Variants in ARMH3 observed in about 807,000 individuals in gnomAD.
ARMH3 encodes the protein armadillo-like helical domain-containing protein 3.
In ARMH3, 60 loss-of-function variants were observed where a neutral mutation model predicts 99.1. The ratio of observed to expected loss-of-function variants is 0.61; its 90% CI spans 0.49 to 0.75. The LOEUF (loss-of-function observed/expected upper bound fraction) is 0.75. Ranked by LOEUF, ARMH3 falls within the 30% of genes least tolerant of loss-of-function variation. ARMH3 has a pLI of 0.00. For synonymous variants in ARMH3, 285 were observed against 292.8 expected, an observed-to-expected ratio of 0.97 and a Z score of 0.27; for missense variants, 679 against 843.1, an observed-to-expected ratio of 0.81 and a Z score of 2.41.
intron 23 of ARMH3, chr10:101,889,713 T>C: frequency 2.0e-6 from 1 of 509,054 alleles, no homozygotes; most frequent in South Asian, 2.4e-5. Flanking sequence ...GAATCAAGCA[T>C]CTCTGCTCTG....
intron 4 of ARMH3, 71 bp from the exon 5 acceptor site, chr10:102,029,816 C>T: frequency 7.4e-7 from 1 of 1,348,162 alleles, no homozygotes; most frequent in Non-Finnish European, 1.0e-6. Context: ...ATTGCAGCCT[C>T]ATCCTTACAC....
chr10:101,966,775 A>T (rs1215279398), intron 20 of ARMH3, among the ~76,000 whole-genome samples: 1 of 152,202 alleles, frequency 6.6e-6, no homozygotes, highest in East Asian at 1.9e-4. Context: ...TAGCAGTAGA[A>T]TGAATAATGG....
At chr10:102,026,337 C>T (rs545745064) in intron 5 of ARMH3, among the ~76,000 whole-genome samples, 1 of 152,108 alleles carries the variant, frequency 6.6e-6, no homozygotes, top group Admixed American at 6.6e-5. Context: ...AAAGAATATA[C>T]GAAAAAACTC....
At chr10:101,990,684 G>C in intron 18 of ARMH3, 73 bp from the exon 19 acceptor site, 1 of 1,219,380 alleles carries the variant, frequency 8.2e-7, no homozygotes, top group Non-Finnish European at 1.2e-6. Context: ...TGGAAAAAAA[G>C]CTTCTGAGTA....
At chr10:102,023,995 T>A (rs2066944960) in intron 6 of ARMH3, among the ~76,000 whole-genome samples, 1 of 152,302 alleles carries the variant, frequency 6.6e-6, no homozygotes, top group South Asian at 2.1e-4. Context: ...TCCTCACACA[T>A]GCATTCGCTT....
At chr10:101,935,618 T>C (rs772599579) in intron 23 of ARMH3, among the ~76,000 whole-genome samples, 5 of 152,196 alleles carry the variant, frequency 3.3e-5, no homozygotes, top group Non-Finnish European at 5.9e-5. Context: ...TTTGGAGCTA[T>C]TGTCAACTGG....
chr10:101,864,551 TC>T (rs1267537187), intron 24 of ARMH3, among the ~76,000 whole-genome samples: 1 of 152,166 alleles, frequency 6.6e-6, no homozygotes, highest in Non-Finnish European at 1.5e-5. Context: ...CACTATGGAA[TC>T]CTATGCAGCC....
chr10:101,869,071 CAAA>C (rs760328201), intron 24 of ARMH3, among the ~76,000 whole-genome samples: 5 of 60,120 alleles, frequency 8.3e-5, no homozygotes, highest in Admixed American at 1.9e-4. Context: ...GACTCTGTCT[CAAA>C]AAAAAAAAAA....
At chr10:102,042,503 A>G (rs1288726739) in intron 1 of ARMH3, among the ~76,000 whole-genome samples, 1 of 152,246 alleles carries the variant, frequency 6.6e-6, no homozygotes, top group Non-Finnish European at 1.5e-5. Context: ...AAATTTCCTA[A>G]GAAATTAAAT....
intron 2 of ARMH3, among the ~76,000 whole-genome samples, chr10:102,035,595 G>A (rs2067236016): frequency 1.3e-5 from 2 of 152,244 alleles, no homozygotes; most frequent in East Asian, 1.9e-4. Context: ...TGGTGGAGAC[G>A]GGGTTTCGCT....
At chr10:101,998,145 TA>T (rs1847145847) in intron 15 of ARMH3, among the ~76,000 whole-genome samples, 1 of 152,212 alleles carries the variant, frequency 6.6e-6, no homozygotes, top group Non-Finnish European at 1.5e-5. Flanking sequence ...ATATAATCAC[TA>T]AAGCTAAAAA....
At chr10:101,852,554 G>C (rs181670555) in intron 24 of ARMH3, among the ~76,000 whole-genome samples, 2 of 152,276 alleles carry the variant, frequency 1.3e-5, no homozygotes, top group East Asian at 3.9e-4. Context: ...TCAGGAGTTC[G>C]AGACCAGCTT....
At chr10:102,010,796 C>T (rs748690641) in intron 11 of ARMH3, among the ~76,000 whole-genome samples, 33 of 152,276 alleles carry the variant, frequency 2.2e-4, no homozygotes, top group Non-Finnish European at 4.3e-4. Flanking sequence ...TTCATTTCAT[C>T]AAACACCAGT....
chr10:101,904,967 G>A (rs200074925), intron 23 of ARMH3, among the ~76,000 whole-genome samples: 154 of 139,780 alleles, frequency 1.1e-3, no homozygotes, highest in Non-Finnish European at 1.8e-3. Flanking sequence ...AAAAAAAAAA[G>A]AAAGAAAGAA....
intron 20 of ARMH3, among the ~76,000 whole-genome samples, chr10:101,971,476 G>T (rs894010939): frequency 1.3e-5 from 2 of 152,048 alleles, no homozygotes; most frequent in South Asian, 4.1e-4. Context: ...GGCAGGAGCT[G>T]AGGTGGGAGG....
In ARMH3 at chr10:102,025,146, G is replaced by T; in HGVS notation, c.507+10C>A. 6.2e-7 allele frequency: 1 copy of T among 1,602,948 alleles called. No homozygotes were observed. The highest frequency in any genetic ancestry group is 1.1e-5 in the South Asian group (1 of 90,814). On this transcript the variant is annotated intron_variant, in intron 6 of 25. Transcript: ENST00000370033. ...TCAATTAATACCCTTGACAAACATA[G>T]GTCACTTACGGTCACTAAGCAAAGG...
intron 8 of ARMH3, among the ~76,000 whole-genome samples, chr10:102,022,348 CG>C (rs2066903608): frequency 6.6e-6 from 1 of 151,064 alleles, no homozygotes; most frequent in Non-Finnish European, 1.5e-5. Flanking sequence ...AAAAATTAGC[CG>C]GGCGTGGTGG....
chr10:101,985,664 T>C (rs1469554720), intron 19 of ARMH3, among the ~76,000 whole-genome samples: 1 of 151,898 alleles, frequency 6.6e-6, no homozygotes, highest in Non-Finnish European at 1.5e-5. Context: ...GAGTGAGCCA[T>C]AATCGTGCCA....
intron 23 of ARMH3, among the ~76,000 whole-genome samples, chr10:101,890,615 T>C (rs1036177623): frequency 2.0e-5 from 3 of 152,218 alleles, no homozygotes; most frequent in African/African-American, 7.2e-5. Flanking sequence ...GAAGTTTATT[T>C]CTCATTCCTG....
Sources: allele counts gnomAD v4.1 joint callset (sites outside exome capture counted in the v4.1 genomes callset), GRCh38; gene constraint gnomAD v4.1.1; transcripts MANE v1.5; gene names NCBI Gene and HGNC (gene_info 2026-07-23, HGNC 2026-07-21).